ARID4B: variants seen among roughly 807,000 people sequenced by gnomAD.
The protein encoded by ARID4B is AT-rich interaction domain 4B, also known as AT-rich interactive domain-containing protein 4B.
Under a neutral mutation model 147.5 loss-of-function variants are expected in ARID4B, and 26 were observed. That is an observed-to-expected ratio of 0.18 (90% confidence interval 0.13 to 0.24). The LOEUF (loss-of-function observed/expected upper bound fraction) is 0.24. ARID4B is among the 10% of genes least tolerant of loss of function. The pLI is 1.00. For missense variants in ARID4B, 1,179 were observed against 1,511.5 expected (o/e 0.78, Z 3.65); for synonymous variants, 512 against 507.9 (o/e 1.01, Z -0.11).
At chr1:235,233,001 C>T (rs1261516700) in intron 9 of ARID4B, among the ~76,000 whole-genome samples, 1 of 152,104 alleles carries the variant, frequency 6.6e-6, no homozygotes, top group Non-Finnish European at 1.5e-5. Context: ...CCATGCCTGG[C>T]TAATTTTTGT....
intron 2 of ARID4B, among the ~76,000 whole-genome samples, chr1:235,264,480 A>G (rs1038079690): frequency 1.3e-5 from 2 of 152,208 alleles, no homozygotes; most frequent in Admixed American, 1.3e-4. Flanking sequence ...TTAATAGCAC[A>G]GGCTTTGAAA....
intron 13 of ARID4B, among the ~76,000 whole-genome samples, chr1:235,221,941 T>C (rs1667502898): frequency 7.3e-6 from 1 of 136,086 alleles, no homozygotes; most frequent in Non-Finnish European, 1.5e-5. Context: ...TCTTATTCTA[T>C]TGCCTAGGCT....
chr1:235,240,271 A>T (rs549219510), intron 8 of ARID4B, 42 bp downstream of exon 8: 3 of 1,540,070 alleles, frequency 1.9e-6, no homozygotes, highest in Non-Finnish European at 1.8e-6. Flanking sequence ...TCATAAACTT[A>T]TAAAGTTTGA....
At chr1:235,267,464 A>G (rs1213917163) in intron 2 of ARID4B, among the ~76,000 whole-genome samples, 1 of 152,240 alleles carries the variant, frequency 6.6e-6, no homozygotes, top group South Asian at 2.1e-4. Context: ...CAAACAGTGT[A>G]CCATTTAAAA....
chr1:235,297,058 A>T (rs1344238254), intron 2 of ARID4B, among the ~76,000 whole-genome samples: 2 of 152,098 alleles, frequency 1.3e-5, no homozygotes, highest in Non-Finnish European at 2.9e-5. Context: ...GGTTCCTTAA[A>T]GAAATAGCTG....
intron 4 of ARID4B, 139 bp from the exon 5 acceptor site, chr1:235,255,889 T>C (rs1669951054): frequency 5.1e-6 from 3 of 586,214 alleles, no homozygotes; most frequent in African/African-American, 1.9e-5. Flanking sequence ...GTACCAGCAG[T>C]TGGCGTGAGC....
Position 235,239,215 on chromosome 1 carries a change from G to A in ARID4B, c.585+1098C>T, listed in dbSNP as rs376781996. ...TCGAACTCCTGACCTCAGGGGATTT[G>A]CCCACCTCGGCCTCCCAAAGTGCTA... On this transcript the variant is annotated intron_variant, in intron 8 of 23. Coordinates refer to ENST00000264183, the MANE Select transcript of ARID4B (RefSeq NM_016374.6). Among the ~76,000 whole-genome samples the A allele has an allele frequency of 3.6e-4, 55 of 152,000 alleles. No homozygotes were observed. The East Asian group carries it at 9.9e-3, about 27-fold the overall frequency.
At chr1:235,229,027 C>A in intron 11 of ARID4B, 2 of 561,402 alleles carry the variant, frequency 3.6e-6, no homozygotes, top group Non-Finnish European at 2.9e-6. Flanking sequence ...GAAAATCAGG[C>A]TTAATATTTT....
intron 23 of ARID4B, among the ~76,000 whole-genome samples, chr1:235,169,406 AATTTTTT>A (rs1259051405): frequency 1.3e-5 from 2 of 150,478 alleles, no homozygotes; most frequent in Non-Finnish European, 3.0e-5. Flanking sequence ...ACGCCCGGCT[AATTTTTT>A]TGTATTTTTA....
rs367909835 is a variant in ARID4B, at chr1:235,171,982, C to G, written c.3811+636G>C. 3.3e-5 allele frequency among the ~76,000 whole-genome samples: 5 copies of G among 152,038 alleles called. No homozygotes were observed. The South Asian group carries it at 1.0e-3, about 32-fold the overall frequency. ...ATTTATCTCACTTCCTCATGTCATT[C>G]AGGTATCAACAAAAATATACTGACC... On this transcript the variant is annotated intron_variant, in intron 23 of 23. Coordinates refer to ENST00000264183, the MANE Select transcript of ARID4B (RefSeq NM_016374.6).
chr1:235,173,742 TAAAAAAAAAAAAAAAAAAA>T (rs755815257), intron 22 of ARID4B, among the ~76,000 whole-genome samples: 28 of 26,238 alleles, frequency 1.1e-3, no homozygotes, highest in Admixed American at 1.5e-3. Context: ...CGTCTCTATT[TAAAAAAAAAAAAAAAAAAA>T]AAAAAAAAAA....
At position 235,326,925 on chromosome 1, in the gene ARID4B, C is replaced by T. The variant is rs1675315066; in HGVS notation, c.-6G>A. On this transcript the variant is annotated 5_prime_UTR_variant, in exon 2 of 24. Transcript: ENST00000264183. ...GCAGGCAATCTTACCTTCATGATGA[C>T]TCTGGGACCAAGGTATCCTCTAAAA... The T allele has an allele frequency of 6.2e-7, 1 of 1,614,056 alleles. No homozygotes were observed. Among genetic ancestry groups the T allele is most frequent in the Non-Finnish European group, 8.5e-7 (1 of 1,179,918 alleles).
intron 3 of ARID4B, among the ~76,000 whole-genome samples, chr1:235,258,532 T>C (rs1436691715): frequency 1.3e-5 from 2 of 152,128 alleles, no homozygotes; most frequent in African/African-American, 2.4e-5. Context: ...CAAATTTAAA[T>C]ACTTAATTAG....
chr1:235,323,920 TGA>T (rs201664541), intron 2 of ARID4B, among the ~76,000 whole-genome samples: 5,851 of 151,310 alleles, frequency 0.039, 428 homozygotes, highest in African/African-American at 0.14. Flanking sequence ...TTTTTTTTTT[TGA>T]GAGAGAGAGT....
intron 2 of ARID4B, among the ~76,000 whole-genome samples, chr1:235,307,899 A>C (rs1042346119): frequency 6.0e-5 from 9 of 149,906 alleles, no homozygotes; most frequent in African/African-American, 2.2e-4. Flanking sequence ...TGGTGCAATC[A>C]AGGCTCACTG....
At chr1:235,275,024 C>T (rs1671229742) in intron 2 of ARID4B, among the ~76,000 whole-genome samples, 1 of 144,336 alleles carries the variant, frequency 6.9e-6, no homozygotes, top group Non-Finnish European at 1.5e-5. Flanking sequence ...TGTGTGTGTG[C>T]ACGCGCGCAG....
chr1:235,301,786 C>T (rs1194529888), intron 2 of ARID4B, among the ~76,000 whole-genome samples: 8 of 151,660 alleles, frequency 5.3e-5, no homozygotes, highest in Non-Finnish European at 1.2e-4. Flanking sequence ...CTGATCTCAG[C>T]TCACTGCAAC....
chr1:235,324,132 C>A (rs2103316000), intron 2 of ARID4B, among the ~76,000 whole-genome samples: 1 of 152,162 alleles, frequency 6.6e-6, no homozygotes, highest in Non-Finnish European at 1.5e-5. Context: ...CTCAAACTCC[C>A]TTGACCTCAG....
At chr1:235,284,915 T>A (rs1003278381) in intron 2 of ARID4B, among the ~76,000 whole-genome samples, 1 of 152,118 alleles carries the variant, frequency 6.6e-6, no homozygotes, top group South Asian at 2.1e-4. Context: ...TATATATTTT[T>A]TTTTTGGAGA....
Sources: allele counts gnomAD v4.1 joint callset (sites outside exome capture counted in the v4.1 genomes callset), GRCh38; gene constraint gnomAD v4.1.1; transcripts MANE v1.5; gene names NCBI Gene and HGNC (gene_info 2026-07-23, HGNC 2026-07-21).